PITPNM2: variants seen among roughly 807,000 people sequenced by gnomAD.
The protein encoded by PITPNM2 is phosphatidylinositol transfer protein membrane associated 2, also known as membrane-associated phosphatidylinositol transfer protein 2.
PITPNM2 carries 35 observed loss-of-function variants against 132.2 expected under a neutral mutation model. That is an observed-to-expected ratio of 0.26 (90% confidence interval 0.20 to 0.35). The LOEUF (loss-of-function observed/expected upper bound fraction) is 0.35. Ranked by LOEUF, PITPNM2 falls within the 10% of genes least tolerant of loss-of-function variation. The pLI is 1.00. For missense variants in PITPNM2, 1,332 were observed against 1,912.0 expected, an observed-to-expected ratio of 0.70 and a Z score of 5.66; for synonymous variants, 738 against 799.2, an observed-to-expected ratio of 0.92 and a Z score of 1.29.
Position 122,985,339 on chromosome 12 carries a change from A to C in PITPNM2, c.*688T>G, listed in dbSNP as rs2037891477. On this transcript the variant is annotated 3_prime_UTR_variant, in exon 26 of 26. Transcript: ENST00000320201. Reference sequence around the variant, plus strand: ...CAGCCCGTGGCCTGAGGCTGGAAACAACACTGGCCTGGGCTCCAGGCGGGG... The same window carrying C: ...CAGCCCGTGGCCTGAGGCTGGAAACCACACTGGCCTGGGCTCCAGGCGGGG... The C allele has an allele frequency of 6.6e-6, 1 of 152,430 alleles. No homozygotes were observed. The highest frequency in any genetic ancestry group is 6.5e-5 in the Admixed American group (1 of 15,270). 9.4% of individuals were successfully genotyped at this position (152,430 alleles called of 1,614,324 possible).
At chr12:123,048,073 T>TG (rs931581092) in intron 2 of PITPNM2, among the ~76,000 whole-genome samples, 6 of 142,136 alleles carry the variant, frequency 4.2e-5, no homozygotes, top group African/African-American at 1.6e-4. Flanking sequence ...TACTCCAGCC[T>TG]GGGCAACAGA....
intron 1 of PITPNM2, among the ~76,000 whole-genome samples, chr12:123,142,004 G>C (rs2043516088): frequency 6.6e-6 from 1 of 152,182 alleles, no homozygotes; most frequent in African/African-American, 2.4e-5. Context: ...CTTTTAGTGG[G>C]GGTGTGGTGG....
At chr12:123,129,710 G>T (rs1050725825) in intron 1 of PITPNM2, among the ~76,000 whole-genome samples, 28 of 151,854 alleles carry the variant, frequency 1.8e-4, no homozygotes, top group Non-Finnish European at 3.5e-4. Flanking sequence ...TCTGAGGCTG[G>T]CCCACAACCC....
rs113564852 is a variant in PITPNM2, at chr12:123,097,398, A to G, written c.-96+12987T>C. Among the ~76,000 whole-genome samples, 751 of 152,278 alleles carry G rather than the reference A, an allele frequency of 4.9e-3. 6 individuals carry two copies. The highest frequency in any genetic ancestry group is 0.017 in the African/African-American group (686 of 41,558). On this transcript the variant is annotated intron_variant, in intron 2 of 25. Transcript: ENST00000320201. This position sits in a 1 kb window ranked among gnomAD's most constrained non-coding sequence, Gnocchi z 4.7. Reference sequence around the variant, plus strand: ...GTGCTAAGGGGGAAAGACTTTCAGCAGCCCACTTTTCTGCACAGTCCTCAA... The same window carrying G: ...GTGCTAAGGGGGAAAGACTTTCAGCGGCCCACTTTTCTGCACAGTCCTCAA...
At chr12:123,037,883 G>C (rs375578060) in intron 2 of PITPNM2, among the ~76,000 whole-genome samples, 1 of 152,246 alleles carries the variant, frequency 6.6e-6, no homozygotes, top group Admixed American at 6.5e-5. Context: ...GTCTGGAACA[G>C]ATACCTAATG....
At position 122,994,774 on chromosome 12, in the gene PITPNM2, C is replaced by A; in HGVS notation, c.2233+27G>T. On this transcript the variant is annotated intron_variant, in intron 15 of 25. Coordinates refer to ENST00000320201, the MANE Select transcript of PITPNM2 (RefSeq NM_020845.3). This position sits in a 1 kb window ranked among gnomAD's most constrained non-coding sequence, Gnocchi z 5.4. ...GCCCCCGCACCCAGTGCATGTACCC[C>A]CCATCCTGCCCCTGCTGGGCTCTCA... 6.3e-7 allele frequency: 1 copy of A among 1,598,158 alleles called. No homozygotes were observed. Among genetic ancestry groups the A allele is most frequent in the South Asian group, 1.1e-5 (1 of 89,178 alleles).
At chr12:123,018,208 T>A (rs946475208) in intron 3 of PITPNM2, among the ~76,000 whole-genome samples, 5 of 151,926 alleles carry the variant, frequency 3.3e-5, no homozygotes, top group African/African-American at 1.2e-4. Context: ...TAGCTGAGAC[T>A]ACAGGACCAT....
chr12:123,094,639 T>A (rs1008471792), intron 2 of PITPNM2, among the ~76,000 whole-genome samples: 1 of 152,184 alleles, frequency 6.6e-6, no homozygotes. Flanking sequence ...CACAGGACCA[T>A]AAATTACCGT....
At chr12:123,037,567 TCAGA>T (rs2040316705) in intron 2 of PITPNM2, among the ~76,000 whole-genome samples, 1 of 152,162 alleles carries the variant, frequency 6.6e-6, no homozygotes, top group African/African-American at 2.4e-5. Context: ...AATAACATGG[TCAGA>T]CACAGACTCT....
rs1291756558 is a variant in PITPNM2 at position 123,064,392 on chromosome 12, T to C, written c.-95-29707A>G. 1.3e-5 allele frequency among the ~76,000 whole-genome samples: 2 copies of C among 152,180 alleles called. No homozygotes were observed. The highest frequency in any genetic ancestry group is 2.9e-5 in the Non-Finnish European group (2 of 68,016). On this transcript the variant is annotated intron_variant, in intron 2 of 25. Coordinates refer to ENST00000320201, the MANE Select transcript of PITPNM2 (RefSeq NM_020845.3). This position sits in a 1 kb window ranked among gnomAD's most constrained non-coding sequence, Gnocchi z 4.0. Reference sequence around the variant, plus strand: ...AAGGCCTGCAGCCCACAGGAGGCTCTCAGCCACCACGGGGCACAGGTATGT... The same window carrying C: ...AAGGCCTGCAGCCCACAGGAGGCTCCCAGCCACCACGGGGCACAGGTATGT...
intron 2 of PITPNM2, among the ~76,000 whole-genome samples, chr12:123,069,713 CAG>C (rs1347689778): frequency 6.6e-6 from 1 of 152,204 alleles, no homozygotes; most frequent in African/African-American, 2.4e-5. Flanking sequence ...CCTTGGAGCT[CAG>C]GGCCCGAGCC....
In PITPNM2 at chr12:123,117,917, A is replaced by G. The variant is rs913934747; in HGVS notation, c.-199-7429T>C. Reference sequence around the variant, plus strand: ...CCCAGAATGCCCCATGCAATCTCCTATGCTCCCTCTTTCTCTGCTTACCAG... The same window carrying G: ...CCCAGAATGCCCCATGCAATCTCCTGTGCTCCCTCTTTCTCTGCTTACCAG... On this transcript the variant is annotated intron_variant, in intron 1 of 25. Transcript: ENST00000320201. The surrounding 1 kb of genome is among the most constrained non-coding windows in gnomAD (Gnocchi z 4.7). Among the ~76,000 whole-genome samples, 16 of 152,146 alleles carry G rather than the reference A, an allele frequency of 1.1e-4. No homozygotes were observed. The highest frequency in any genetic ancestry group is 3.9e-4 in the African/African-American group (16 of 41,434).
intron 2 of PITPNM2, among the ~76,000 whole-genome samples, chr12:123,093,948 T>A (rs950111908): frequency 2.6e-5 from 4 of 152,198 alleles, no homozygotes; most frequent in Admixed American, 2.0e-4. Context: ...ATCAGCCCCC[T>A]CATCTCAGGG....
chr12:123,038,704 C>T (rs917158379), intron 2 of PITPNM2, among the ~76,000 whole-genome samples: 7 of 150,952 alleles, frequency 4.6e-5, no homozygotes, highest in Admixed American at 6.6e-5. Flanking sequence ...AGTGGCTTCC[C>T]ACCATGTGCC....
intron 6 of PITPNM2, chr12:123,006,234 T>A (rs954821689): frequency 2.0e-5 from 3 of 152,108 alleles, no homozygotes; most frequent in Non-Finnish European, 4.4e-5. Context: ...CTGTTAAATT[T>A]CCCACGGAAA....
intron 3 of PITPNM2, among the ~76,000 whole-genome samples, chr12:123,018,381 G>C (rs1218659183): frequency 7.1e-6 from 1 of 140,640 alleles, no homozygotes; most frequent in Non-Finnish European, 1.5e-5. Flanking sequence ...TGCAACCTTC[G>C]CCTCCCAGGT....
At chr12:123,018,839 A>T (rs1398291611) in intron 3 of PITPNM2, among the ~76,000 whole-genome samples, 3 of 129,864 alleles carry the variant, frequency 2.3e-5, no homozygotes, top group Non-Finnish European at 4.6e-5. Flanking sequence ...GCTGGAGTGC[A>T]GTGGCGAGAT....
At chr12:123,071,464 A>G (rs1592991019) in intron 2 of PITPNM2, among the ~76,000 whole-genome samples, 1 of 152,332 alleles carries the variant, frequency 6.6e-6, no homozygotes, top group East Asian at 1.9e-4. Context: ...CCCTGAGGGC[A>G]AGCTCAGTCC....
chr12:122,987,238 C>T (rs2037975950), intron 23 of PITPNM2, 43 bp downstream of exon 23: 1 of 1,601,766 alleles, frequency 6.2e-7, no homozygotes, highest in Admixed American at 1.7e-5. Context: ...CCTGAGCCCA[C>T]CCACCTTGCT....
Sources: gnomAD v4.1 joint callset for allele counts (sites outside exome capture counted in the v4.1 genomes callset) on GRCh38, gnomAD v4.1.1 for gene constraint, Gnocchi (gnomAD v3.1) non-coding constraint, MANE v1.5 for transcripts, NCBI Gene and HGNC (gene_info 2026-07-23, HGNC 2026-07-21) for gene names.